The following ALAS1 variants were observed in gnomAD, a reference collection of about 807,000 sequenced individuals.
The protein encoded by ALAS1 is 5'-aminolevulinate synthase 1.
A neutral mutation model predicts 59.6 loss-of-function variants in ALAS1; 29 were observed. The ratio of observed to expected loss-of-function variants is 0.49; its 90% CI spans 0.36 to 0.66. ALAS1 has a LOEUF of 0.66. Ranked by LOEUF, ALAS1 falls within the 30% of genes least tolerant of loss-of-function variation. The pLI, the probability that ALAS1 is intolerant of heterozygous loss-of-function variation, is 0.00. For missense variants in ALAS1, 690 were observed against 807.5 expected, an observed-to-expected ratio of 0.85 and a Z score of 1.76; for synonymous variants, 299 against 296.6, an observed-to-expected ratio of 1.01 and a Z score of -0.08.
chr3:52,209,383 A>ATTAGAGACGGGG (rs1699359204), intron 9 of ALAS1, among the ~76,000 whole-genome samples: 1 of 151,820 alleles, frequency 6.6e-6, no homozygotes. Context: ...AATTTTTTGT[A>ATTAGAGACGGGG]TTTGTAGTAG....
rs770460740 is a variant in ALAS1 at position 52,211,220 on chromosome 3, T to A, written c.1331-63T>A. The A allele has an allele frequency of 6.7e-5, 106 of 1,576,076 alleles. 1 individual carries two copies. In the East Asian group the frequency reaches 1.1e-3, roughly 16 times the overall value. ...AGTGCTTTGAGGCTCCACAACACCT[T>A]GCTGTGTCCATTTAGAGCAATTTAC... On this transcript the variant is annotated intron_variant, in intron 9 of 11. Transcript: ENST00000484952.
chr3:52,208,322 G>A (rs1237980776), intron 9 of ALAS1, 75 bp downstream of exon 9: 1 of 1,542,426 alleles, frequency 6.5e-7, no homozygotes, highest in Non-Finnish European at 8.9e-7. Context: ...GTCTAACTGG[G>A]ATCAGGTGAG....
Position 52,203,877 on chromosome 3 carries a change from T to G in ALAS1, c.442T>G (p.Ser148Ala). The G allele has an allele frequency of 6.3e-7, 1 of 1,590,784 alleles. No individual in the cohort carries two copies. The highest frequency in any genetic ancestry group is 1.1e-5 in the South Asian group (1 of 87,406). Reference protein sequence around the residue: ...NAVRKEVAETSAGPSVVSVKT... With the variant: ...NAVRKEVAETAAGPSVVSVKT... ...TTTTGTTCCAGAGGTTGCTGAAACC[T>G]CAGCAGGCCCCAGTGTGGTTAGTGT... is the stretch of plus-strand genomic sequence containing the variant. Residue 148 changes from serine to alanine, a missense_variant, in exon 5 of 12, where the codon TCA becomes GCA. Transcript: ENST00000484952.
At chr3:52,198,356 C>T (rs949383328) in intron 1 of ALAS1, 101 bp downstream of exon 1, 7 of 414,248 alleles carry the variant, frequency 1.7e-5, no homozygotes, top group Non-Finnish European at 3.0e-5. Flanking sequence ...CCATCCCCCA[C>T]TGTCCCAGTC....
At chr3:52,210,360 C>G (rs1425967859) in intron 9 of ALAS1, among the ~76,000 whole-genome samples, 1 of 152,168 alleles carries the variant, frequency 6.6e-6, no homozygotes, top group African/African-American at 2.4e-5. Flanking sequence ...CACACTGGGA[C>G]CAGTCACTGA....
In ALAS1 at chr3:52,198,819, A is replaced by T; in HGVS notation, c.-62A>T. ...ATCCCTAAGAGTCTTCCCTGCCTGG[A>T]TGGATGAGTGGCTTCTTCTCCACCT... On this transcript the variant is annotated 5_prime_UTR_variant, in exon 2 of 12. An upstream start codon of the reference 5' UTR is lost. Coordinates refer to ENST00000484952, the MANE Select transcript of ALAS1 (RefSeq NM_000688.6). 1.3e-6 allele frequency: 2 copies of T among 1,535,676 alleles called. No homozygotes were observed. The highest frequency in any genetic ancestry group is 8.7e-7 in the Non-Finnish European group (1 of 1,146,906).
chr3:52,204,985 G>T, intron 6 of ALAS1, 70 bp downstream of exon 6: 2 of 1,325,022 alleles, frequency 1.5e-6, no homozygotes, highest in Admixed American at 1.8e-5. Context: ...ATAGGGGTTG[G>T]ATCTTTTATG....
In ALAS1 at chr3:52,199,254, G is replaced by A. The variant is rs374359979; in HGVS notation, c.13G>A (p.Val5Ile). 1.6e-4 allele frequency: 255 copies of A among 1,614,040 alleles called. No individual in the cohort carries two copies. Among genetic ancestry groups the A allele is most frequent in the Non-Finnish European group, 2.0e-4 (240 of 1,180,040 alleles). The change falls in exon 3 of 12, where the codon GTT becomes ATT. Residue 5 changes from valine (V) to isoleucine (I), a missense_variant. Coordinates refer to ENST00000484952, the MANE Select transcript of ALAS1 (RefSeq NM_000688.6). MESV[V>I]RRCPFLSRVP... ...ATACTTCCTGAACATGGAGAGTGTT[G>A]TTCGCCGCTGCCCATTCTTATCCCG...
chr3:52,203,678 G>A (rs1212264331), intron 4 of ALAS1, among the ~76,000 whole-genome samples, 185 bp from the exon 5 acceptor site: 1 of 152,198 alleles, frequency 6.6e-6, no homozygotes, highest in Non-Finnish European at 1.5e-5. Context: ...ACAACACCAA[G>A]AGTCTGCCAT....
chr3:52,210,464 T>G (rs1699382399), intron 9 of ALAS1, among the ~76,000 whole-genome samples: 1 of 152,184 alleles, frequency 6.6e-6, no homozygotes, highest in African/African-American at 2.4e-5. Context: ...GTAACTTTCC[T>G]TAGCTTTTTT....
Position 52,202,687 on chromosome 3 carries a change from G to T in ALAS1, c.380G>T (p.Ser127Ile). 1.2e-6 allele frequency: 2 copies of T among 1,614,208 alleles called. No homozygotes were observed. The highest frequency in any genetic ancestry group is 1.7e-6 in the Non-Finnish European group (2 of 1,180,036). ...QRGSSVFCKA[S>I]LELQEDVQEM... ...GGCAGCAGTGTCTTCTGCAAAGCCA[G>T]TCTTGAGCTTCAGGAGGATGTGCAG... is the stretch of plus-strand genomic sequence containing the variant. The change falls in exon 4 of 12, where the codon AGT becomes ATT. Residue 127 changes from serine to isoleucine, a missense_variant. Ser to Ile is a moderately radical substitution (Grantham distance 142). Transcript: ENST00000484952.
Position 52,214,281 on chromosome 3 carries a change from C to A in ALAS1, c.*101C>A. ...GAATTAAGTTATATTAAATTTTAAT[C>A]TATAGTAAAAACATAGTCCTGGAAA... is the stretch of plus-strand genomic sequence containing the variant. On this transcript the variant is annotated 3_prime_UTR_variant, in exon 12 of 12. Coordinates refer to ENST00000484952, the MANE Select transcript of ALAS1 (RefSeq NM_000688.6). The A allele has an allele frequency of 1.8e-6, 2 of 1,134,784 alleles. No individual in the cohort carries two copies. The highest frequency in any genetic ancestry group is 1.2e-6 in the Non-Finnish European group (1 of 823,162). 70.3% of individuals were successfully genotyped at this position (1,134,784 alleles called of 1,614,324 possible).
chr3:52,206,543 G>A, intron 7 of ALAS1, 29 bp from the exon 8 acceptor site: 2 of 1,601,004 alleles, frequency 1.2e-6, no homozygotes, highest in Non-Finnish European at 1.7e-6. Flanking sequence ...CGATGCACAT[G>A]GCAATAAATA....
In ALAS1 at chr3:52,214,119, T is replaced by G; in HGVS notation, c.1862T>G (p.Met621Arg). The change falls in exon 12 of 12, where the codon ATG (methionine) becomes AGG (arginine). Residue 621 changes from methionine to arginine, a missense_variant. By Grantham distance (91) the Met-to-Arg change is moderately conservative (BLOSUM62 -1). Transcript: ENST00000484952. ...AGGAGGCCACTGCATTTTGAAGTGA[T>G]GAGTGAAAGAGAGAAGTCCTATTTC... The part of the protein sequence containing the change: ...FCRRPLHFEV[M>R]SEREKSYFSG... 6.2e-7 allele frequency: 1 copy of G among 1,613,976 alleles called. No homozygotes were observed. Among genetic ancestry groups the G allele is most frequent in the Non-Finnish European group, 8.5e-7 (1 of 1,179,820 alleles).
At chr3:52,210,294 A>G (rs1411754056) in intron 9 of ALAS1, among the ~76,000 whole-genome samples, 2 of 152,130 alleles carry the variant, frequency 1.3e-5, no homozygotes, top group South Asian at 2.1e-4. Context: ...AGCCTGGGTG[A>G]GAAAGGGAAA....
chr3:52,209,932 G>A (rs1206377562), intron 9 of ALAS1, among the ~76,000 whole-genome samples: 3 of 151,802 alleles, frequency 2.0e-5, no homozygotes, highest in African/African-American at 7.3e-5. Context: ...TGCCCCCCTC[G>A]GCCTCCCAAA....
At chr3:52,212,149 TAC>T in intron 10 of ALAS1, 107 bp from the exon 11 acceptor site, 1 of 961,474 alleles carries the variant, frequency 1.0e-6, no homozygotes, top group Non-Finnish European at 1.6e-6. Context: ...CATGTGTTGC[TAC>T]AGTCTGGTCT....
chr3:52,199,809 C>T (rs1206908339), intron 3 of ALAS1, among the ~76,000 whole-genome samples: 3 of 152,128 alleles, frequency 2.0e-5, no homozygotes, highest in Non-Finnish European at 4.4e-5. Context: ...ATTTGGCCTT[C>T]GGCTTTTTAT....
At chr3:52,205,533 A>G (rs1007649081) in intron 6 of ALAS1, among the ~76,000 whole-genome samples, 2 of 152,234 alleles carry the variant, frequency 1.3e-5, no homozygotes, top group Non-Finnish European at 2.9e-5. Flanking sequence ...TGGAAAGAAT[A>G]ATGTTTCTCA....
Sources: allele counts gnomAD v4.1 joint callset (sites outside exome capture counted in the v4.1 genomes callset), GRCh38; gene constraint gnomAD v4.1.1; transcripts MANE v1.5; gene names NCBI Gene and HGNC (gene_info 2026-07-23, HGNC 2026-07-21).